SH3TC1: variants seen among roughly 807,000 people sequenced by gnomAD.
SH3TC1 encodes SH3 domain and tetratricopeptide repeat-containing protein 1.
A neutral mutation model predicts 117.3 loss-of-function variants in SH3TC1; 135 were observed. The observed-to-expected ratio is 1.15, with a 90% CI of 1.00 to 1.33. The LOEUF (loss-of-function observed/expected upper bound fraction) is 1.33. Among genes scored for constraint, SH3TC1 ranks in the 40% most tolerant of loss-of-function variants. The pLI is 0.00. For synonymous variants in SH3TC1, 898 were observed against 816.9 expected, an observed-to-expected ratio of 1.10 and a Z score of -1.69; for missense variants, 2,092 against 1,794.3, an observed-to-expected ratio of 1.17 and a Z score of -3.00.
chr4:8,236,244 G>A (rs1721799764), intron 15 of SH3TC1, 34 bp from the exon 16 acceptor site: 1 of 1,521,744 alleles, frequency 6.6e-7, no homozygotes, highest in South Asian at 1.2e-5. Flanking sequence ...GGTGGGTGCT[G>A]CGGGAAGCCT....
chr4:8,227,344 C>T lies in SH3TC1; in HGVS notation c.1650C>T (p.Ala550=), dbSNP rs202174418. Residue 550 remains alanine, a synonymous_variant, in exon 12 of 18, where the codon GCC becomes GCT. Transcript: ENST00000245105. ...TGRLAQARGA[A]KKAGLLMALA... is the part of the protein sequence containing the mutation. ...GCCTGGCACAGGCCCGGGGGGCGGC[C>T]AAGAAAGCTGGCCTCCTCATGGCCC... is the stretch of plus-strand genomic sequence containing the variant. The T allele has an allele frequency of 2.1e-4, 334 of 1,601,682 alleles. No individual in the cohort carries two copies. Among genetic ancestry groups the T allele is most frequent in the Non-Finnish European group, 2.6e-4 (311 of 1,174,678 alleles).
At chr4:8,232,307 C>T in intron 13 of SH3TC1, 151 bp downstream of exon 13, 1 of 1,479,454 alleles carries the variant, frequency 6.8e-7, no homozygotes. Flanking sequence ...GCTGGGGGGC[C>T]TGGGGTTGTC....
At chr4:8,188,584 C>T (rs960415402) in intron 1 of SH3TC1, among the ~76,000 whole-genome samples, 1 of 152,258 alleles carries the variant, frequency 6.6e-6, no homozygotes, top group Non-Finnish European at 1.5e-5. Context: ...TCCCGGTCCC[C>T]CCTCTGTGGT....
At chr4:8,207,077 C>CAAA (rs34956323) in intron 2 of SH3TC1, among the ~76,000 whole-genome samples, 3 of 138,656 alleles carry the variant, frequency 2.2e-5, no homozygotes, top group African/African-American at 5.4e-5. Flanking sequence ...TCCTTTATAG[C>CAAA]AAAAAAAAAA....
At chr4:8,214,284 G>C (rs1719016011) in intron 4 of SH3TC1, among the ~76,000 whole-genome samples, 191 bp from the exon 5 acceptor site, 1 of 152,184 alleles carries the variant, frequency 6.6e-6, no homozygotes, top group Non-Finnish European at 1.5e-5. Flanking sequence ...CTCCCCACAG[G>C]CTCTGGGGAG....
chr4:8,189,464 G>A (rs549287152), intron 1 of SH3TC1, among the ~76,000 whole-genome samples: 2 of 152,372 alleles, frequency 1.3e-5, no homozygotes, highest in East Asian at 1.9e-4. Context: ...TGGAGGAGAA[G>A]GGGTGCCAGG....
At chr4:8,239,594 G>A (rs757389738) in intron 17 of SH3TC1, among the ~76,000 whole-genome samples, 4 of 151,240 alleles carry the variant, frequency 2.6e-5, no homozygotes, top group Admixed American at 1.3e-4. Context: ...ACGCACACAG[G>A]CACGTGCACA....
intron 13 of SH3TC1, chr4:8,232,823 G>A: frequency 7.8e-7 from 1 of 1,282,908 alleles, no homozygotes; most frequent in Non-Finnish European, 1.0e-6. Flanking sequence ...GTTCACAGCA[G>A]GAAAATGGGC....
At chr4:8,233,938 C>T (rs1369188970) in intron 14 of SH3TC1, among the ~76,000 whole-genome samples, 2 of 143,340 alleles carry the variant, frequency 1.4e-5, no homozygotes, top group Non-Finnish European at 3.1e-5. Context: ...TGTCATCCAT[C>T]CAATCACCCA....
At chr4:8,235,328 C>A in intron 14 of SH3TC1, 105 bp from the exon 15 acceptor site, 1 of 1,338,502 alleles carries the variant, frequency 7.5e-7, no homozygotes, top group Non-Finnish European at 9.7e-7. Flanking sequence ...CTCAGTTGCA[C>A]CTGCAGTGTG....
At chr4:8,233,661 C>A in intron 14 of SH3TC1, 148 bp downstream of exon 14, 1 of 986,834 alleles carries the variant, frequency 1.0e-6, no homozygotes, top group Non-Finnish European at 1.4e-6. Flanking sequence ...CTTCCATCAT[C>A]TACCCATTCA....
chr4:8,236,532 C>A, intron 16 of SH3TC1, 104 bp downstream of exon 16: 1 of 1,390,428 alleles, frequency 7.2e-7, no homozygotes, highest in Non-Finnish European at 9.4e-7. Flanking sequence ...TTTTCCTGGT[C>A]TCCTGTCCAG....
Position 8,183,104 on chromosome 4 carries a change from T to G in SH3TC1, c.-57+894T>G, listed in dbSNP as rs1717122322. Among the ~76,000 whole-genome samples, 2 of 152,108 alleles carry G rather than the reference T, an allele frequency of 1.3e-5. No homozygotes were observed. Among genetic ancestry groups the G allele is most frequent in the South Asian group, 4.1e-4 (2 of 4,828 alleles). ...GCAAGGGGTGGGGCCTCTGTGAGCC[T>G]CAGTTTCTCAGCATGCCATCCGCCT... On this transcript the variant is annotated intron_variant, in intron 1 of 16. Coordinates refer to the SH3TC1 transcript ENST00000508641. This position sits in a 1 kb window ranked among gnomAD's most constrained non-coding sequence, Gnocchi z 5.4.
chr4:8,211,967 G>T (rs1407282651), intron 3 of SH3TC1, among the ~76,000 whole-genome samples: 1 of 152,128 alleles, frequency 6.6e-6, no homozygotes, highest in Non-Finnish European at 1.5e-5. Flanking sequence ...ACAGACAGGA[G>T]GGAGGGCCAG....
chr4:8,233,147 A>C, intron 13 of SH3TC1: 2 of 1,379,396 alleles, frequency 1.4e-6, no homozygotes, highest in Non-Finnish European at 1.9e-6. Flanking sequence ...GGGCAGCATG[A>C]TGCCCAGTTC....
intron 9 of SH3TC1, among the ~76,000 whole-genome samples, chr4:8,220,396 C>T (rs1388569776): frequency 1.3e-5 from 2 of 150,444 alleles, no homozygotes; most frequent in Non-Finnish European, 3.0e-5. Context: ...CTGGGGGGGG[C>T]ACTCTTCTGG....
chr4:8,199,861 G>A (rs1717710002), intron 1 of SH3TC1, among the ~76,000 whole-genome samples: 1 of 152,200 alleles, frequency 6.6e-6, no homozygotes, highest in Admixed American at 6.5e-5. Context: ...CACCGCAGTG[G>A]CTATAACTGG....
chr4:8,232,426 G>A, intron 13 of SH3TC1: 2 of 1,549,420 alleles, frequency 1.3e-6, no homozygotes, highest in Non-Finnish European at 1.7e-6. Flanking sequence ...AACCCCAGCA[G>A]AAGCAGTTAC....
At position 8,227,248 on chromosome 4, in the gene SH3TC1, G is replaced by A. The variant is rs1458251424; in HGVS notation, c.1554G>A (p.Leu518=). ...APGYKASFRG[L]YDVALPWLSS... ...GGTACAAGGCCAGCTTCCGTGGCCT[G>A]TACGATGTGGCGCTGCCGTGGCTGA... Residue 518 remains leucine (L), a synonymous_variant, in exon 12 of 18, where the codon CTG becomes CTA. Transcript: ENST00000245105. 39 of 1,595,110 alleles carry A rather than the reference G, an allele frequency of 2.4e-5. No individual in the cohort carries two copies. The highest frequency in any genetic ancestry group is 3.0e-5 in the Non-Finnish European group (35 of 1,171,006).
Sources: allele counts gnomAD v4.1 joint callset (sites outside exome capture counted in the v4.1 genomes callset), GRCh38; gene constraint gnomAD v4.1.1; non-coding constraint Gnocchi (gnomAD v3.1); transcripts MANE v1.5; gene names NCBI Gene and HGNC (gene_info 2026-07-23, HGNC 2026-07-21).